The following WDFY4 variants were observed in gnomAD, a reference collection of about 807,000 sequenced individuals.
WDFY4 encodes the protein WD repeat- and FYVE domain-containing protein 4.
WDFY4 carries 169 observed loss-of-function variants against 351.9 expected under a neutral mutation model. The observed-to-expected ratio is 0.48, with a 90% CI of 0.42 to 0.55. The LOEUF is 0.55. Ranked by LOEUF, WDFY4 falls within the 20% of genes least tolerant of loss-of-function variation. The probability of loss-of-function intolerance (pLI) is 0.00; values close to 1 mark genes in which losing one functional copy is unlikely to be tolerated. For synonymous variants in WDFY4, 1,622 were observed against 1,574.6 expected (o/e 1.03, Z -0.71); for missense variants, 3,803 against 3,935.6 (o/e 0.97, Z 0.90).
intron 13 of WDFY4, among the ~76,000 whole-genome samples, chr10:48,762,862 T>C (rs2065552881): frequency 6.6e-6 from 1 of 152,236 alleles, no homozygotes; most frequent in African/African-American, 2.4e-5. Flanking sequence ...AAGCCAGCTT[T>C]GGTCAAAGTT....
chr10:48,757,771 T>A (rs183620303), intron 12 of WDFY4, among the ~76,000 whole-genome samples: 34 of 152,186 alleles, frequency 2.2e-4, no homozygotes, highest in African/African-American at 7.9e-4. Flanking sequence ...CTCTCCTTTT[T>A]TTTTAGTGCT....
chr10:48,788,182 C>T (rs906244898), intron 20 of WDFY4, among the ~76,000 whole-genome samples: 5 of 151,824 alleles, frequency 3.3e-5, no homozygotes, highest in African/African-American at 7.3e-5. Context: ...CATGCGCCAC[C>T]ATGCCCAGCT....
chr10:48,913,321 T>C, intron 47 of WDFY4: 1 of 1,446,870 alleles, frequency 6.9e-7, no homozygotes, highest in South Asian at 1.3e-5. Flanking sequence ...TGGTTTCCTG[T>C]GGAGGTAGCC....
intron 1 of WDFY4, among the ~76,000 whole-genome samples, chr10:48,689,555 A>G (rs1001766304): frequency 1.3e-4 from 20 of 152,214 alleles, no homozygotes; most frequent in African/African-American, 4.6e-4. Context: ...TAACCTATTT[A>G]TTTTTATTTT....
intron 58 of WDFY4, 93 bp downstream of exon 58, chr10:48,975,134 A>G: frequency 6.6e-7 from 1 of 1,511,786 alleles, no homozygotes; most frequent in Non-Finnish European, 9.0e-7. Context: ...CAGAGACTCT[A>G]GCCACCCCAG....
intron 47 of WDFY4, among the ~76,000 whole-genome samples, chr10:48,924,487 G>C (rs1839402503): frequency 6.6e-6 from 1 of 152,256 alleles, no homozygotes; most frequent in African/African-American, 2.4e-5. Flanking sequence ...TAAGCAGATA[G>C]ATGGGCGAAT....
Position 48,696,569 on chromosome 10 carries a change from C to T in WDFY4, c.-18+11568C>T, listed in dbSNP as rs191941644. 1.5e-3 allele frequency among the ~76,000 whole-genome samples: 235 copies of T among 152,354 alleles called. 2 individuals carry two copies. Among genetic ancestry groups the T allele is most frequent in the African/African-American group, 5.2e-3 (217 of 41,578 alleles). On this transcript the variant is annotated intron_variant, in intron 1 of 61. Transcript: ENST00000325239. ...CAAACCAGCTCCTTGTGAGGAGACC[C>T]GAGATTGGACAGACTCAGCGGCCAG... is the stretch of plus-strand genomic sequence containing the variant.
intron 41 of WDFY4, 35 bp from the exon 42 acceptor site, chr10:48,875,054 G>T: frequency 1.5e-6 from 2 of 1,359,046 alleles, no homozygotes; most frequent in Non-Finnish European, 2.0e-6. Context: ...GTAGCATCCA[G>T]GATTTAATTT....
chr10:48,776,314 T>A (rs1487027846), intron 15 of WDFY4, among the ~76,000 whole-genome samples: 1 of 152,058 alleles, frequency 6.6e-6, no homozygotes, highest in African/African-American at 2.4e-5. Flanking sequence ...GCAGGCCCAG[T>A]GGAGAAGCAA....
chr10:48,691,434 T>A (rs1479003188), intron 1 of WDFY4, among the ~76,000 whole-genome samples: 1 of 152,152 alleles, frequency 6.6e-6, no homozygotes, highest in East Asian at 1.9e-4. Flanking sequence ...CCTCTCTGCC[T>A]GACCATGCTG....
intron 7 of WDFY4, 151 bp downstream of exon 7, chr10:48,727,810 C>A: frequency 1.8e-6 from 1 of 567,434 alleles, no homozygotes; most frequent in Non-Finnish European, 2.2e-6. Context: ...ATTGTGCAGA[C>A]AGGCATGGGG....
At chr10:48,787,954 CTTCTTCTTCTTCTTCTTCTTCTTCTT>C (rs2066530414) in intron 20 of WDFY4, among the ~76,000 whole-genome samples, 1 of 121,980 alleles carries the variant, frequency 8.2e-6, no homozygotes, top group African/African-American at 3.4e-5. Flanking sequence ...TCTTCTTCTT[CTTCTTCTTCTTCTTCTTCTTCTTCTT>C]CTTCTCCTTC....
chr10:48,932,183 G>C lies in WDFY4; in HGVS notation c.7587-9623G>C, dbSNP rs546358823. On this transcript the variant is annotated intron_variant, in intron 47 of 61. Coordinates refer to ENST00000325239, the MANE Select transcript of WDFY4 (RefSeq NM_001394531.1). The stretch of plus-strand genomic sequence containing the variant: ...AATGTTAGGTGACCAGTGTTCAGTG[G>C]GCACTCAACAAAGCCAGTCATCTGG... Among the ~76,000 whole-genome samples the C allele has an allele frequency of 2.0e-5, 3 of 152,288 alleles. No homozygotes were observed. The South Asian group carries it at 6.2e-4, about 32-fold the overall frequency.
At chr10:48,853,588 A>G (rs2069028533) in intron 39 of WDFY4, among the ~76,000 whole-genome samples, 2 of 152,230 alleles carry the variant, frequency 1.3e-5, no homozygotes, top group African/African-American at 2.4e-5. Context: ...GCTTGCATTC[A>G]TTAAATCAAT....
chr10:48,835,018 G>A (rs2068335306), intron 39 of WDFY4, among the ~76,000 whole-genome samples: 1 of 152,152 alleles, frequency 6.6e-6, no homozygotes, highest in South Asian at 2.1e-4. Flanking sequence ...CTTGGGTGAG[G>A]GCAGGCTGCT....
intron 57 of WDFY4, among the ~76,000 whole-genome samples, chr10:48,973,751 T>C (rs1398065442): frequency 6.6e-6 from 1 of 152,178 alleles, no homozygotes; most frequent in Non-Finnish European, 1.5e-5. Flanking sequence ...GGTGGGCCAC[T>C]TTGGCCCCTT....
At chr10:48,927,303 C>T (rs764569407) in intron 47 of WDFY4, among the ~76,000 whole-genome samples, 5 of 152,144 alleles carry the variant, frequency 3.3e-5, no homozygotes, top group Non-Finnish European at 5.9e-5. Flanking sequence ...ATAAAGTGAC[C>T]TCTCCTTTGC....
intron 43 of WDFY4, among the ~76,000 whole-genome samples, chr10:48,888,023 G>T (rs1464350904): frequency 6.6e-6 from 1 of 152,298 alleles, no homozygotes; most frequent in East Asian, 1.9e-4. Context: ...GAATTGTTAA[G>T]AGAAAAGTCT....
At chr10:48,904,681 G>A (rs992219006) in intron 47 of WDFY4, among the ~76,000 whole-genome samples, 7 of 152,202 alleles carry the variant, frequency 4.6e-5, no homozygotes, top group South Asian at 2.1e-4. Context: ...ACCACACACC[G>A]TACATGCTCT....
Sources: gnomAD v4.1 joint callset for allele counts (sites outside exome capture counted in the v4.1 genomes callset) on GRCh38, gnomAD v4.1.1 for gene constraint, MANE v1.5 for transcripts, NCBI Gene and HGNC (gene_info 2026-07-23, HGNC 2026-07-21) for gene names.